The following KIRREL3 variants were observed in gnomAD, a reference collection of about 807,000 sequenced individuals.
The protein encoded by KIRREL3 is kirre like nephrin family adhesion molecule 3.
Under a neutral mutation model 89.7 loss-of-function variants are expected in KIRREL3, and 36 were observed. The ratio of observed to expected loss-of-function variants is 0.40; its 90% CI spans 0.31 to 0.53. The LOEUF is 0.53. Ranked by LOEUF, KIRREL3 falls within the 20% of genes least tolerant of loss-of-function variation. KIRREL3 has a pLI of 0.49. For missense variants in KIRREL3, 864 were observed against 1,056.6 expected (o/e 0.82, Z 2.53); for synonymous variants, 445 against 441.4 (o/e 1.01, Z -0.10).
rs1940296633 is a variant in KIRREL3 at position 126,563,624 on chromosome 11, A to G, written c.56-712T>C. Among the ~76,000 whole-genome samples, 1 of 152,250 alleles carries G rather than the reference A, an allele frequency of 6.6e-6. No individual in the cohort carries two copies. Among genetic ancestry groups the G allele is most frequent in the Non-Finnish European group, 1.5e-5 (1 of 68,052 alleles). ...GATAGCTGAGAGACACGGACTCCACAGGGCTTTGACCCAGTTGGAAAAACA... is the reference window on the plus strand; with the variant it reads ...GATAGCTGAGAGACACGGACTCCACGGGGCTTTGACCCAGTTGGAAAAACA... On this transcript the variant is annotated intron_variant, in intron 1 of 16. Coordinates refer to ENST00000525144, the MANE Select transcript of KIRREL3 (RefSeq NM_032531.4). This position sits in a 1 kb window ranked among gnomAD's most constrained non-coding sequence, Gnocchi z 6.8.
rs905398515 is a variant in KIRREL3, at chr11:126,766,733, C to T, written c.56-203821G>A. The stretch of plus-strand genomic sequence containing the variant: ...CTTTTCTGCCTTGGCCTGGGGGAGG[C>T]GGGTGTTGTAAAACTTAATGATCAT... On this transcript the variant is annotated intron_variant, in intron 1 of 16. Coordinates refer to ENST00000525144, the MANE Select transcript of KIRREL3 (RefSeq NM_032531.4). This position sits in a 1 kb window ranked among gnomAD's most constrained non-coding sequence, Gnocchi z 4.2. 2.6e-5 allele frequency among the ~76,000 whole-genome samples: 4 copies of T among 152,084 alleles called. No individual in the cohort carries two copies. The highest frequency in any genetic ancestry group is 7.2e-5 in the African/African-American group (3 of 41,414).
In KIRREL3 at chr11:126,563,773, G is replaced by C. The variant is rs573955720; in HGVS notation, c.56-861C>G. On this transcript the variant is annotated intron_variant, in intron 1 of 16. Transcript: ENST00000525144. The surrounding 1 kb of genome is among the most constrained non-coding windows in gnomAD (Gnocchi z 6.8). ...TTGGAGTCCATCTGCCTCACAAGAA[G>C]GCAAGCTTTCCTCTCTGGTATTTGT... Among the ~76,000 whole-genome samples, 3 of 152,300 alleles carry C rather than the reference G, an allele frequency of 2.0e-5. No individual in the cohort carries two copies. In the South Asian group the frequency reaches 6.2e-4, roughly 32 times the overall value.
In KIRREL3 at chr11:126,430,835, C is replaced by T. The variant is rs1192058649; in HGVS notation, c.1696+584G>A. The T allele has an allele frequency of 2.1e-5, 7 of 329,800 alleles. No individual in the cohort carries two copies. The highest frequency in any genetic ancestry group is 2.6e-5 in the Non-Finnish European group (6 of 228,834). 20.4% of individuals were successfully genotyped at this position (329,800 alleles called of 1,614,324 possible). On this transcript the variant is annotated intron_variant, in intron 14 of 16. Transcript: ENST00000525144. This position sits in a 1 kb window ranked among gnomAD's most constrained non-coding sequence, Gnocchi z 6.6. ...GAACACTGTGTCTCCATTGTCTTCA[C>T]CTGTTCTCTGCCATCCAATCTCTCA...
At chr11:126,815,658 C>G (rs1009303781) in intron 1 of KIRREL3, among the ~76,000 whole-genome samples, 1 of 152,078 alleles carries the variant, frequency 6.6e-6, no homozygotes, top group Non-Finnish European at 1.5e-5. Flanking sequence ...CTCAGCCTCC[C>G]GAGTAGCTGG....
rs758083520 is a variant in KIRREL3, at chr11:126,432,571, C to A, written c.1589-1045G>T. ...CCAGGTCTCCTCTCACTGCTCCCACCCCTCCACTCACCCCACTCCCACCCC... is the reference window on the plus strand; with the variant it reads ...CCAGGTCTCCTCTCACTGCTCCCACACCTCCACTCACCCCACTCCCACCCC... On this transcript the variant is annotated intron_variant, in intron 13 of 16. Coordinates refer to ENST00000525144, the MANE Select transcript of KIRREL3 (RefSeq NM_032531.4). The surrounding 1 kb of genome is among the most constrained non-coding windows in gnomAD (Gnocchi z 6.2). Among the ~76,000 whole-genome samples, 9 of 152,072 alleles carry A rather than the reference C, an allele frequency of 5.9e-5. No homozygotes were observed. Among genetic ancestry groups the A allele is most frequent in the Non-Finnish European group, 1.2e-4 (8 of 68,012 alleles).
chr11:126,696,745 C>T lies in KIRREL3; in HGVS notation c.56-133833G>A, dbSNP rs372217749. Among the ~76,000 whole-genome samples the T allele has an allele frequency of 3.9e-5, 6 of 152,282 alleles. No homozygotes were observed. The highest frequency in any genetic ancestry group is 2.1e-4 in the South Asian group (1 of 4,816). On this transcript the variant is annotated intron_variant, in intron 1 of 16. Transcript: ENST00000525144. The surrounding 1 kb of genome is among the most constrained non-coding windows in gnomAD (Gnocchi z 4.4). ...AGCCACACCGTCTTCCTGCAGGCAC[C>T]GCCAGTGGACACACCGAACACCCCT...
intron 1 of KIRREL3, among the ~76,000 whole-genome samples, chr11:126,923,663 C>G (rs777165988): frequency 6.6e-6 from 1 of 151,950 alleles, no homozygotes; most frequent in African/African-American, 2.4e-5. Flanking sequence ...AGGCTGGCCT[C>G]GAACTCTTGA....
rs1955361498 is a variant in KIRREL3, at chr11:126,436,846, C to A, written c.1517G>T (p.Gly506Val). ...IYNCTAWNSF[G>V]SDTEIIRLKE... is the part of the protein sequence containing the mutation. The stretch of plus-strand genomic sequence containing the variant: ...GAGCCGGATGATCTCAGTGTCGGAG[C>A]CGAAGCTGTTCCAGGCCGTGCAGTT... Residue 506 changes from glycine (G) to valine (V), a missense_variant, in exon 12 of 17, where the codon GGC becomes GTC. Coordinates refer to ENST00000525144, the MANE Select transcript of KIRREL3 (RefSeq NM_032531.4). 1 of 1,613,586 alleles carries A rather than the reference C, an allele frequency of 6.2e-7. No individual in the cohort carries two copies. The highest frequency in any genetic ancestry group is 1.3e-5 in the African/African-American group (1 of 74,936).
At chr11:126,634,702 A>C (rs1270866596) in intron 1 of KIRREL3, among the ~76,000 whole-genome samples, 1 of 152,156 alleles carries the variant, frequency 6.6e-6, no homozygotes, top group Non-Finnish European at 1.5e-5. Flanking sequence ...CATCGGGTGG[A>C]ATGCAGTCCT....
At position 126,427,438 on chromosome 11, in the gene KIRREL3, G is replaced by C. The variant is rs1260514880; in HGVS notation, c.1807-1714C>G. On this transcript the variant is annotated intron_variant, in intron 15 of 16. Transcript: ENST00000525144. The surrounding 1 kb of genome is among the most constrained non-coding windows in gnomAD (Gnocchi z 5.3). ...GCAGAAGGTGCACAGCTCCGCCAGG[G>C]GTGGGGAGGACAAGCCCGGAACATC... 6.6e-6 allele frequency among the ~76,000 whole-genome samples: 1 copy of C among 152,214 alleles called. No individual in the cohort carries two copies. Among genetic ancestry groups the C allele is most frequent in the Admixed American group, 6.5e-5 (1 of 15,278 alleles).
intron 1 of KIRREL3, among the ~76,000 whole-genome samples, chr11:126,815,626 C>T (rs1951541590): frequency 6.6e-6 from 1 of 152,130 alleles, no homozygotes; most frequent in South Asian, 2.1e-4. Flanking sequence ...CTCCGCCTCC[C>T]ACGTTCACGC....
intron 5 of KIRREL3, among the ~76,000 whole-genome samples, chr11:126,464,657 A>C (rs943086672): frequency 6.6e-5 from 10 of 152,148 alleles, no homozygotes; most frequent in African/African-American, 2.2e-4. Context: ...AGGCCAGGTG[A>C]AGGTGGAGGC....
At position 126,703,098 on chromosome 11, in the gene KIRREL3, T is replaced by A. The variant is rs537748145; in HGVS notation, c.56-140186A>T. 1.3e-4 allele frequency among the ~76,000 whole-genome samples: 20 copies of A among 152,306 alleles called. No individual in the cohort carries two copies. The South Asian group carries it at 4.1e-3, about 32-fold the overall frequency. On this transcript the variant is annotated intron_variant, in intron 1 of 16. Transcript: ENST00000525144. The surrounding 1 kb of genome is among the most constrained non-coding windows in gnomAD (Gnocchi z 4.6). Reference sequence around the variant, plus strand: ...GTAGTAGATGGCGTATTCTCTGGGCTGTGAATCCTGGTCAGGTGGGGGTGG... The same window carrying A: ...GTAGTAGATGGCGTATTCTCTGGGCAGTGAATCCTGGTCAGGTGGGGGTGG...
At chr11:126,482,342 C>A (rs1957243632) in intron 4 of KIRREL3, among the ~76,000 whole-genome samples, 1 of 152,182 alleles carries the variant, frequency 6.6e-6, no homozygotes, top group South Asian at 2.1e-4. Flanking sequence ...CCGGGCCTGC[C>A]CCTTTCCTTT....
Position 126,653,768 on chromosome 11 carries a change from C to T in KIRREL3, c.56-90856G>A, listed in dbSNP as rs980933744. On this transcript the variant is annotated intron_variant, in intron 1 of 16. Transcript: ENST00000525144. The surrounding 1 kb of genome is among the most constrained non-coding windows in gnomAD (Gnocchi z 5.4). ...TCACGGACATTCCATAAAAAGTGCA[C>T]GGTGGAACCTGAGAAGGTGGAGAAG... Among the ~76,000 whole-genome samples, 2 of 152,180 alleles carry T rather than the reference C, an allele frequency of 1.3e-5. No homozygotes were observed. Among genetic ancestry groups the T allele is most frequent in the African/African-American group, 4.8e-5 (2 of 41,444 alleles).
chr11:126,526,493 A>G lies in KIRREL3; in HGVS notation c.283+45T>C, dbSNP rs146830448. ...TAGGAAGGTGGATGGGTGAGTAAGG[A>G]AGTGATGGCCCCAGGCCCACCCCAG... On this transcript the variant is annotated intron_variant, in intron 3 of 16. Transcript: ENST00000525144. This position sits in a 1 kb window ranked among gnomAD's most constrained non-coding sequence, Gnocchi z 5.7. The G allele has an allele frequency of 5.1e-4, 805 of 1,578,852 alleles. 3 individuals carry two copies. In the African/African-American group the frequency reaches 9.4e-3, roughly 19 times the overall value.
At chr11:126,514,819 CAACA>C (rs1269863849) in intron 4 of KIRREL3, among the ~76,000 whole-genome samples, 3 of 44,562 alleles carry the variant, frequency 6.7e-5, no homozygotes, top group Non-Finnish European at 1.7e-4. Flanking sequence ...CTCTCCAACA[CAACA>C]CAACACAACA....
In KIRREL3 at chr11:126,565,051, C is replaced by T. The variant is rs886971807; in HGVS notation, c.56-2139G>A. On this transcript the variant is annotated intron_variant, in intron 1 of 16. Transcript: ENST00000525144. This position sits in a 1 kb window ranked among gnomAD's most constrained non-coding sequence, Gnocchi z 5.4. ...GGGAGTTTGGGCTCCTGGACTAAGC[C>T]CAAACTCAATCCAGGAGCTTGGGAG... is the stretch of plus-strand genomic sequence containing the variant. 5.9e-5 allele frequency among the ~76,000 whole-genome samples: 9 copies of T among 152,196 alleles called. No individual in the cohort carries two copies. In the East Asian group the frequency reaches 1.7e-3, roughly 29 times the overall value.
intron 1 of KIRREL3, among the ~76,000 whole-genome samples, chr11:126,738,746 G>A (rs1948886229): frequency 6.6e-6 from 1 of 152,168 alleles, no homozygotes; most frequent in African/African-American, 2.4e-5. Context: ...ACGACAAGAA[G>A]GCTAAAAGCA....
Sources: allele counts gnomAD v4.1 joint callset (sites outside exome capture counted in the v4.1 genomes callset), GRCh38; gene constraint gnomAD v4.1.1; non-coding constraint Gnocchi (gnomAD v3.1); transcripts MANE v1.5; gene names NCBI Gene and HGNC (gene_info 2026-07-23, HGNC 2026-07-21).